Variants in PIGK observed in about 807,000 individuals in gnomAD.
PIGK encodes the protein GPI-anchor transamidase.
In PIGK, 42 loss-of-function variants were observed where a neutral mutation model predicts 50.6. That is an observed-to-expected ratio of 0.83 (90% confidence interval 0.65 to 1.07). PIGK has a LOEUF of 1.07. PIGK is among the 50% of genes least tolerant of loss of function. The probability of loss-of-function intolerance (pLI) is 0.00; values close to 1 mark genes in which losing one functional copy is unlikely to be tolerated. For missense variants in PIGK, 448 were observed against 488.7 expected, an observed-to-expected ratio of 0.92 and a Z score of 0.78; for synonymous variants, 151 against 156.0, an observed-to-expected ratio of 0.97 and a Z score of 0.24.
chr1:77,196,175 C>G (rs1656031282), intron 3 of PIGK, among the ~76,000 whole-genome samples: 1 of 152,140 alleles, frequency 6.6e-6, no homozygotes, highest in African/African-American at 2.4e-5. Flanking sequence ...CTTTTTATGG[C>G]TGCATAGTAT....
At chr1:77,097,948 G>A (rs1653457831) in intron 10 of PIGK, among the ~76,000 whole-genome samples, 2 of 151,806 alleles carry the variant, frequency 1.3e-5, no homozygotes, top group South Asian at 2.1e-4. Context: ...TACAGAGAGG[G>A]GTAAACAGTC....
intron 3 of PIGK, among the ~76,000 whole-genome samples, chr1:77,189,493 A>T (rs574313780): frequency 6.6e-6 from 1 of 152,076 alleles, no homozygotes; most frequent in South Asian, 2.1e-4. Flanking sequence ...GGGTGGCTAG[A>T]ATATAAAGCA....
intron 8 of PIGK, among the ~76,000 whole-genome samples, chr1:77,160,193 A>G (rs944714201): frequency 3.9e-5 from 6 of 152,152 alleles, no homozygotes; most frequent in African/African-American, 1.4e-4. Context: ...GCCACCATGT[A>G]AGATGTGCCT....
At chr1:77,097,832 G>C (rs1191660780) in intron 10 of PIGK, among the ~76,000 whole-genome samples, 1 of 151,744 alleles carries the variant, frequency 6.6e-6, no homozygotes, top group East Asian at 1.9e-4. Context: ...AAGTATGTCA[G>C]CAAATATGAG....
At chr1:77,097,396 C>T (rs1334190413) in intron 10 of PIGK, among the ~76,000 whole-genome samples, 1 of 152,118 alleles carries the variant, frequency 6.6e-6, no homozygotes, top group Non-Finnish European at 1.5e-5. Flanking sequence ...GGTTCCTCTT[C>T]CCTTTAAAGT....
At chr1:77,095,359 G>C (rs926292246) in intron 10 of PIGK, among the ~76,000 whole-genome samples, 2 of 152,132 alleles carry the variant, frequency 1.3e-5, no homozygotes, top group East Asian at 3.9e-4. Context: ...ACCATGCAAC[G>C]GCTTGCTTTG....
intron 9 of PIGK, among the ~76,000 whole-genome samples, chr1:77,145,933 A>C (rs1490719393): frequency 6.6e-6 from 1 of 152,210 alleles, no homozygotes; most frequent in Non-Finnish European, 1.5e-5. Context: ...TCAATGAGGA[A>C]TAAATACAGA....
intron 10 of PIGK, 99 bp downstream of exon 10, chr1:77,122,176 C>CA: frequency 1.4e-6 from 1 of 730,904 alleles, no homozygotes; most frequent in South Asian, 1.8e-5. Flanking sequence ...GAATGCCTTT[C>CA]AGCTATAGCA....
intron 9 of PIGK, among the ~76,000 whole-genome samples, chr1:77,131,478 G>A (rs543293854): frequency 2.6e-5 from 4 of 151,886 alleles, no homozygotes; most frequent in African/African-American, 4.8e-5. Flanking sequence ...TCTTGTCCCC[G>A]ATTTTCATCG....
intron 8 of PIGK, among the ~76,000 whole-genome samples, chr1:77,155,397 G>A (rs1654985481): frequency 6.6e-6 from 1 of 152,128 alleles, no homozygotes; most frequent in Non-Finnish European, 1.5e-5. Flanking sequence ...CATATAAAGT[G>A]TCTATTACAT....
rs771486033 is a variant in PIGK at position 77,161,631 on chromosome 1, G to A, written c.665C>T (p.Ala222Val). 1 of 1,568,180 alleles carries A rather than the reference G, an allele frequency of 6.4e-7. No individual in the cohort carries two copies. The highest frequency in any genetic ancestry group is 8.8e-7 in the Non-Finnish European group (1 of 1,138,240). The change falls in exon 7 of 11, where the codon GCT (alanine) becomes GTT (valine). Residue 222 changes from alanine (A) to valine (V), a missense_variant. Physicochemically the swap from Ala to Val is moderately conservative, Grantham distance 64. Transcript: ENST00000370812. The part of the protein sequence containing the change: ...YERFYSPNIM[A>V]LASSQVGEDS... ...TTCTCCCACTTGACTACTAGCTAGA[G>A]CCATTATGTTAGGAGAATAAAATCG...
chr1:77,196,282 A>G (rs948818888), intron 3 of PIGK, among the ~76,000 whole-genome samples: 2 of 152,088 alleles, frequency 1.3e-5, no homozygotes, highest in African/African-American at 4.8e-5. Context: ...CAGTGCTGCA[A>G]TGAAAATATG....
At chr1:77,201,124 T>C (rs1211820596) in intron 3 of PIGK, among the ~76,000 whole-genome samples, 1 of 152,150 alleles carries the variant, frequency 6.6e-6, no homozygotes, top group East Asian at 1.9e-4. Context: ...TAAAGAGCAA[T>C]AGGCAAAAGC....
In PIGK at chr1:77,219,192, A is replaced by C. The variant is rs1656659810; in HGVS notation, c.93+118T>G. On this transcript the variant is annotated intron_variant, in intron 1 of 10. Coordinates refer to ENST00000370812, the MANE Select transcript of PIGK (RefSeq NM_005482.3). ...GCCCAGTGATACCCTCCTCAAACCC[A>C]GCCTGGGTCAGGGGCTGATTGACTC... is the stretch of plus-strand genomic sequence containing the variant. The C allele has an allele frequency of 5.2e-6, 4 of 766,936 alleles. No individual in the cohort carries two copies. In the Admixed American group the frequency reaches 9.5e-5, roughly 18 times the overall value. The allele number at this position is 766,936 out of a possible 1,614,324, so 47.5% of individuals were successfully genotyped here.
chr1:77,119,056 A>G (rs1268930650), intron 10 of PIGK, among the ~76,000 whole-genome samples: 2 of 150,866 alleles, frequency 1.3e-5, no homozygotes, highest in East Asian at 3.8e-4. Flanking sequence ...TTGTCCATAT[A>G]ATATTTATCT....
chr1:77,186,548 CA>C (rs1557817895), intron 3 of PIGK, among the ~76,000 whole-genome samples: 1 of 152,080 alleles, frequency 6.6e-6, no homozygotes, highest in Non-Finnish European at 1.5e-5. Flanking sequence ...CCTGAGGGGT[CA>C]AAAATGTAAA....
chr1:77,120,934 G>A (rs1654082228), intron 10 of PIGK, among the ~76,000 whole-genome samples: 1 of 152,170 alleles, frequency 6.6e-6, no homozygotes, highest in African/African-American at 2.4e-5. Flanking sequence ...TTCACACAGT[G>A]TATAACAGTC....
At position 77,161,288 on chromosome 1, in the gene PIGK, T is replaced by C. The variant is rs745688264; in HGVS notation, c.813+7A>G. 3.7e-6 allele frequency: 5 copies of C among 1,338,450 alleles called. No individual in the cohort carries two copies. The South Asian group carries it at 4.7e-5, about 13-fold the overall frequency. The allele number at this position is 1,338,450 out of a possible 1,614,324, so 82.9% of individuals were successfully genotyped here. On this transcript the variant is annotated splice_region_variant and intron_variant, in intron 8 of 10. Coordinates refer to ENST00000370812, the MANE Select transcript of PIGK (RefSeq NM_005482.3). ...ATGTGCTATAATCAAATCAAGTGAA[T>C]ACTTACAAGGTCATTCATATTAGTT...
intron 2 of PIGK, among the ~76,000 whole-genome samples, chr1:77,207,046 A>G (rs1656304575): frequency 1.3e-5 from 2 of 152,134 alleles, no homozygotes; most frequent in South Asian, 4.1e-4. Flanking sequence ...GTGCACCTGT[A>G]GTTGCAGCTA....
Sources: gnomAD v4.1 joint callset for allele counts (sites outside exome capture counted in the v4.1 genomes callset) on GRCh38, gnomAD v4.1.1 for gene constraint, MANE v1.5 for transcripts, NCBI Gene and HGNC (gene_info 2026-07-23, HGNC 2026-07-21) for gene names.